Variants in FARP2 observed in about 807,000 individuals in gnomAD.
FARP2 encodes the protein FERM, ARHGEF and pleckstrin domain-containing protein 2.
A neutral mutation model predicts 130.5 loss-of-function variants in FARP2; 111 were observed. The observed-to-expected ratio is 0.85, with a 90% CI of 0.73 to 1.00. FARP2 has a LOEUF of 1.00. Among genes scored for constraint, FARP2 ranks in the 50% least tolerant of loss-of-function variants. FARP2 has a pLI of 0.00. For missense variants in FARP2, 1,385 were observed against 1,346.3 expected, an observed-to-expected ratio of 1.03 and a Z score of -0.45; for synonymous variants, 504 against 516.9, an observed-to-expected ratio of 0.98 and a Z score of 0.34.
Position 241,410,434 on chromosome 2 carries a change from T to C in FARP2, c.411-599T>C, listed in dbSNP as rs951753421. ...ATGCCTGAAAAGGCTAATTTCTTTCTTTTTTTTTTTTTTCGAGACAGAGTT... is the reference window on the plus strand; with the variant it reads ...ATGCCTGAAAAGGCTAATTTCTTTCCTTTTTTTTTTTTTCGAGACAGAGTT... On this transcript the variant is annotated intron_variant, in intron 5 of 26. Coordinates refer to ENST00000264042, the MANE Select transcript of FARP2 (RefSeq NM_014808.4). 2.4e-4 allele frequency among the ~76,000 whole-genome samples: 4 copies of C among 16,834 alleles called. No individual in the cohort carries two copies. The Admixed American group carries it at 3.1e-3, about 13-fold the overall frequency. The allele number at this position is 16,834 out of a possible 152,430, so 11.0% of individuals were successfully genotyped here.
Position 241,465,518 on chromosome 2 carries a change from G to A in FARP2, c.1893+1538G>A, listed in dbSNP as rs1421354013. On this transcript the variant is annotated intron_variant, in intron 17 of 26. Coordinates refer to ENST00000264042, the MANE Select transcript of FARP2 (RefSeq NM_014808.4). ...GTCACAAAAATGGAGTAGACTTTTG[G>A]ATAGGCAGGGGCAGCACTGGGGGAA... 22 of 1,550,496 alleles carry A rather than the reference G, an allele frequency of 1.4e-5. No individual in the cohort carries two copies. The East Asian group carries it at 5.1e-4, about 36-fold the overall frequency.
At position 241,462,526 on chromosome 2, in the gene FARP2, G is replaced by A. The variant is rs141826550; in HGVS notation, c.1591G>A (p.Val531Met). The change falls in exon 15 of 27, where the codon GTG (valine) becomes ATG (methionine). Residue 531 changes from valine (V) to methionine (M), a missense_variant. Val to Met is a conservative substitution (Grantham distance 21). Coordinates refer to ENST00000264042, the MANE Select transcript of FARP2 (RefSeq NM_014808.4). ...MDCEEPRHKRVPADEAYFIVK... is the reference protein window; with the variant it reads ...MDCEEPRHKRMPADEAYFIVK... ...TACAGCTCTCTGCTTCTTTCAGCGC[G>A]TGCCTGCAGACGAGGCCTACTTCAT... 1.6e-5 allele frequency: 25 copies of A among 1,612,704 alleles called. No homozygotes were observed. Among genetic ancestry groups the A allele is most frequent in the Admixed American group, 3.3e-5 (2 of 59,998 alleles).
At position 241,441,481 on chromosome 2, in the gene FARP2, A is replaced by G. The variant is rs767029835; in HGVS notation, c.1336A>G (p.Ser446Gly). ...CAAGAGTCCAGCTGCAGAGAGGCGC[A>G]GTGGAGCAGTGGCTGGAGGCCCCGA... ...YVKSPAAERR[S>G]GAVAGGPDTP... Residue 446 changes from serine (S) to glycine (G), a missense_variant, in exon 13 of 27, where the codon AGT becomes GGT. Ser to Gly is a moderately conservative substitution (Grantham distance 56, BLOSUM62 0). Transcript: ENST00000264042. The G allele has an allele frequency of 1.9e-5, 31 of 1,613,978 alleles. No homozygotes were observed. The highest frequency in any genetic ancestry group is 1.3e-4 in the East Asian group (6 of 44,870).
intron 13 of FARP2, among the ~76,000 whole-genome samples, chr2:241,450,021 G>A (rs1038020516): frequency 2.0e-5 from 3 of 146,608 alleles, no homozygotes; most frequent in Non-Finnish European, 3.0e-5. Flanking sequence ...AAAAAAAAAA[G>A]AAAATCATCT....
At chr2:241,386,120 T>A (rs2030348081) in intron 2 of FARP2, among the ~76,000 whole-genome samples, 1 of 152,074 alleles carries the variant, frequency 6.6e-6, no homozygotes, top group African/African-American at 2.4e-5. Context: ...AGAGATGGGG[T>A]CTTGCTCTGT....
In FARP2 at chr2:241,485,222, G is replaced by T. The variant is rs890587252; in HGVS notation, c.2421+891G>T. 2.1e-5 allele frequency among the ~76,000 whole-genome samples: 3 copies of T among 145,700 alleles called. No homozygotes were observed. The South Asian group carries it at 6.6e-4, about 32-fold the overall frequency. ...CACTCCCTGTGGTCTTCCCTCTCTGGTGTCTTTCCTCCCTGTAGTCCTCCC... is the reference window on the plus strand; with the variant it reads ...CACTCCCTGTGGTCTTCCCTCTCTGTTGTCTTTCCTCCCTGTAGTCCTCCC... On this transcript the variant is annotated intron_variant, in intron 21 of 26. Transcript: ENST00000264042.
intron 19 of FARP2, among the ~76,000 whole-genome samples, chr2:241,481,685 G>C (rs921516997): frequency 3.9e-5 from 6 of 152,318 alleles, no homozygotes; most frequent in African/African-American, 1.4e-4. Flanking sequence ...AGTAACCTCT[G>C]TGCAGGGTCT....
intron 14 of FARP2, among the ~76,000 whole-genome samples, chr2:241,457,822 C>T (rs62190378): frequency 0.13 from 19,007 of 151,198 alleles, 1,669 homozygotes; most frequent in Non-Finnish European, 0.18. Context: ...GGCTCTTGGG[C>T]GGGAGACCCC....
At chr2:241,388,293 A>G (rs891878354) in intron 2 of FARP2, among the ~76,000 whole-genome samples, 13 of 152,362 alleles carry the variant, frequency 8.5e-5, no homozygotes, top group Middle Eastern at 3.4e-3. Context: ...TGGTTAATTG[A>G]TATTTTCAAA....
At chr2:241,457,229 T>TC (rs2063871057) in intron 14 of FARP2, among the ~76,000 whole-genome samples, 1 of 152,134 alleles carries the variant, frequency 6.6e-6, no homozygotes, top group African/African-American at 2.4e-5. Flanking sequence ...TCTTCCAGCC[T>TC]CCCCCACTCT....
At chr2:241,407,018 C>T (rs2150355413) in intron 4 of FARP2, among the ~76,000 whole-genome samples, 1 of 151,796 alleles carries the variant, frequency 6.6e-6, no homozygotes, top group East Asian at 2.0e-4. Context: ...CTGTGTTGGC[C>T]AGGATGGTCT....
chr2:241,486,676 G>C (rs1399998628), intron 21 of FARP2, among the ~76,000 whole-genome samples: 1 of 152,128 alleles, frequency 6.6e-6, no homozygotes, highest in African/African-American at 2.4e-5. Context: ...GCTGTGGCTG[G>C]TTGTTGAGGA....
Position 241,484,286 on chromosome 2 carries a change from C to G in FARP2, c.2376C>G (p.Thr792=), listed in dbSNP as rs1559811634. ...LLYTSKGVAG[T]SHFRIRGLLP... Reference sequence around the variant, plus strand: ...ACACAAGCAAAGGAGTTGCAGGGACCAGCCACTTCCGGATCCGGGGCCTCC... The same window carrying G: ...ACACAAGCAAAGGAGTTGCAGGGACGAGCCACTTCCGGATCCGGGGCCTCC... Residue 792 remains threonine, a synonymous_variant, in exon 21 of 27, where the codon ACC becomes ACG. Coordinates refer to ENST00000264042, the MANE Select transcript of FARP2 (RefSeq NM_014808.4). The G allele has an allele frequency of 6.2e-7, 1 of 1,614,164 alleles. No individual in the cohort carries two copies. The highest frequency in any genetic ancestry group is 8.5e-7 in the Non-Finnish European group (1 of 1,180,004).
Position 241,441,505 on chromosome 2 carries a change from G to A in FARP2, c.1360G>A (p.Asp454Asn), listed in dbSNP as rs369837043. Reference protein sequence around the residue: ...RRSGAVAGGPDTPSAQPLGPP... With the variant: ...RRSGAVAGGPNTPSAQPLGPP... ...CAGTGGAGCAGTGGCTGGAGGCCCC[G>A]ACACACCATCGGCCCAGCCCCTCGG... is the stretch of plus-strand genomic sequence containing the variant. The change falls in exon 13 of 27, where the codon GAC (aspartate) becomes AAC (asparagine). Residue 454 changes from aspartate to asparagine, a missense_variant. Transcript: ENST00000264042. 1.5e-5 allele frequency: 25 copies of A among 1,613,918 alleles called. No individual in the cohort carries two copies. The African/African-American group carries it at 1.9e-4, about 12-fold the overall frequency.
intron 20 of FARP2, 72 bp from the exon 21 acceptor site, chr2:241,484,170 G>A: frequency 1.9e-6 from 3 of 1,598,734 alleles, no homozygotes; most frequent in Middle Eastern, 1.7e-4. Flanking sequence ...TGAGCAGCCA[G>A]AGTCCAAGTT....
At chr2:241,389,967 T>C (rs2061869633) in intron 2 of FARP2, among the ~76,000 whole-genome samples, 1 of 152,186 alleles carries the variant, frequency 6.6e-6, no homozygotes, top group Non-Finnish European at 1.5e-5. Context: ...GATTTCTTCT[T>C]TGGTCTATCA....
chr2:241,485,214 C>T (rs2064721801), intron 21 of FARP2, among the ~76,000 whole-genome samples: 1 of 151,304 alleles, frequency 6.6e-6, no homozygotes, highest in Non-Finnish European at 1.5e-5. Context: ...TGTGGTCTTC[C>T]CTCTCTGGTG....
Position 241,406,420 on chromosome 2 carries a change from T to TAGAG in FARP2, c.332-1102_332-1099dup, listed in dbSNP as rs60655206. On this transcript the variant is annotated intron_variant, in intron 4 of 26. Transcript: ENST00000264042. ...ATATATATGTCTGTGTGTATATATA[T>TAGAG]AGAGAGAGAGAGAGAGAGCACGCGC... Among the ~76,000 whole-genome samples the TAGAG allele has an allele frequency of 1.6e-3, 246 of 150,912 alleles. 1 individual carries two copies. The highest frequency in any genetic ancestry group is 5.6e-3 in the African/African-American group (229 of 41,014).
At position 241,377,730 on chromosome 2, in the gene FARP2, C is replaced by CT. The variant is rs1210800374; in HGVS notation, c.183+4449dup. Among the ~76,000 whole-genome samples, 7 of 151,808 alleles carry CT rather than the reference C, an allele frequency of 4.6e-5. No homozygotes were observed. The South Asian group carries it at 1.0e-3, about 23-fold the overall frequency. The stretch of plus-strand genomic sequence containing the variant: ...GTGAATACTTGTTATACTGTATTGA[C>CT]TTTTTTTTTCTATTATCTCTCATTG... On this transcript the variant is annotated intron_variant, in intron 2 of 26. Coordinates refer to ENST00000264042, the MANE Select transcript of FARP2 (RefSeq NM_014808.4).
Sources: gnomAD v4.1 joint callset for allele counts (sites outside exome capture counted in the v4.1 genomes callset) on GRCh38, gnomAD v4.1.1 for gene constraint, MANE v1.5 for transcripts, NCBI Gene and HGNC (gene_info 2026-07-23, HGNC 2026-07-21) for gene names.